The following CADM2 variants were observed in gnomAD, a reference collection of about 807,000 sequenced individuals.
CADM2 encodes immunoglobulin superfamily member 4D.
CADM2 carries 12 observed loss-of-function variants against 49.8 expected under a neutral mutation model. The ratio of observed to expected loss-of-function variants is 0.24; its 90% CI spans 0.15 to 0.39. The LOEUF (loss-of-function observed/expected upper bound fraction) is 0.39, where lower values mean the gene tolerates loss of function less well. CADM2 is among the 10% of genes least tolerant of loss of function. The pLI, the probability that CADM2 is intolerant of heterozygous loss-of-function variation, is 1.00. For synonymous variants in CADM2, 214 were observed against 175.4 expected (o/e 1.22, Z -1.74); for missense variants, 378 against 492.3 (o/e 0.77, Z 2.20).
intron 2 of CADM2, among the ~76,000 whole-genome samples, chr3:85,788,967 C>G (rs1271930786): frequency 6.6e-6 from 1 of 151,930 alleles, no homozygotes; most frequent in Non-Finnish European, 1.5e-5. Flanking sequence ...TTATTAGTGA[C>G]TTTCTTTACT....
intron 1 of CADM2, among the ~76,000 whole-genome samples, chr3:85,218,592 T>A (rs549300942): frequency 6.6e-6 from 1 of 152,132 alleles, no homozygotes; most frequent in South Asian, 2.1e-4. Flanking sequence ...GATTAAGAGA[T>A]AGAGACCATT....
intron 8 of CADM2, among the ~76,000 whole-genome samples, chr3:85,989,821 G>GA (rs2108695743): frequency 6.6e-6 from 1 of 151,856 alleles, no homozygotes; most frequent in Non-Finnish European, 1.5e-5. Context: ...AGACCAGCCT[G>GA]CCCAACATGG....
At chr3:85,809,658 C>CCCTTCCTT (rs538027252) in intron 3 of CADM2, among the ~76,000 whole-genome samples, 1,391 of 68,916 alleles carry the variant, frequency 0.02, 48 homozygotes, top group Non-Finnish European at 0.027. Context: ...AACATTTTCT[C>CCCTTCCTT]CCTTCCTTCC....
intron 1 of CADM2, among the ~76,000 whole-genome samples, chr3:85,406,946 C>A (rs1039601848): frequency 1.5e-4 from 23 of 152,012 alleles, no homozygotes; most frequent in Admixed American, 2.0e-4. Flanking sequence ...CCGTAATTGC[C>A]TCACTTTGGA....
At chr3:85,549,423 G>A (rs1462605026) in intron 1 of CADM2, among the ~76,000 whole-genome samples, 1 of 152,100 alleles carries the variant, frequency 6.6e-6, no homozygotes, top group Non-Finnish European at 1.5e-5. Context: ...AAGAACAATT[G>A]CATGCATGGG....
chr3:85,650,483 C>A (rs192414252), intron 1 of CADM2, among the ~76,000 whole-genome samples: 5 of 144,144 alleles, frequency 3.5e-5, no homozygotes, highest in African/African-American at 1.0e-4. Context: ...TGTTTGTATA[C>A]AGATATTATA....
chr3:85,439,336 A>G (rs1367998564), intron 1 of CADM2, among the ~76,000 whole-genome samples: 2 of 151,682 alleles, frequency 1.3e-5, no homozygotes, highest in Non-Finnish European at 2.9e-5. Flanking sequence ...TGTTTTTACT[A>G]GAGATGGGGT....
intron 1 of CADM2, among the ~76,000 whole-genome samples, chr3:85,214,074 T>C (rs757220649): frequency 2.0e-5 from 3 of 152,192 alleles, no homozygotes; most frequent in Non-Finnish European, 2.9e-5. Flanking sequence ...GTTATTTAGT[T>C]TGTTCCACAT....
intron 1 of CADM2, among the ~76,000 whole-genome samples, chr3:85,628,899 T>C (rs2064216979): frequency 1.3e-5 from 2 of 151,390 alleles, no homozygotes. Flanking sequence ...TAAAAGTTAT[T>C]GAGGTGGTAT....
intron 2 of CADM2, among the ~76,000 whole-genome samples, chr3:85,750,129 G>A (rs1240084839): frequency 2.0e-5 from 3 of 151,846 alleles, no homozygotes; most frequent in Non-Finnish European, 4.4e-5. Flanking sequence ...AGACTTTTTT[G>A]TATCCCATAT....
intron 1 of CADM2, among the ~76,000 whole-genome samples, chr3:85,350,308 C>A (rs1285715266): frequency 6.6e-6 from 1 of 152,032 alleles, no homozygotes; most frequent in Non-Finnish European, 1.5e-5. Flanking sequence ...AATACTATGA[C>A]AAAACACATG....
At chr3:85,233,516 T>C (rs893945292) in intron 1 of CADM2, among the ~76,000 whole-genome samples, 1 of 152,112 alleles carries the variant, frequency 6.6e-6, no homozygotes, top group African/African-American at 2.4e-5. Flanking sequence ...CTGGGTCAGT[T>C]TGCAGAAAAC....
intron 1 of CADM2, among the ~76,000 whole-genome samples, chr3:85,307,511 CA>C (rs746576501): frequency 6.6e-6 from 1 of 151,724 alleles, no homozygotes; most frequent in African/African-American, 2.4e-5. Flanking sequence ...AATACAATGA[CA>C]AAAACTCTAA....
intron 2 of CADM2, among the ~76,000 whole-genome samples, chr3:85,763,452 T>G (rs2069497773): frequency 6.6e-6 from 1 of 152,198 alleles, no homozygotes; most frequent in Non-Finnish European, 1.5e-5. Context: ...CAAAGGTAGC[T>G]TTATATTCAT....
At chr3:85,630,095 A>G (rs982350234) in intron 1 of CADM2, among the ~76,000 whole-genome samples, 6 of 151,986 alleles carry the variant, frequency 3.9e-5, no homozygotes, top group Non-Finnish European at 8.8e-5. Context: ...TTTGCAACAC[A>G]TATGTTCTGT....
In CADM2 at chr3:85,989,082, T is replaced by C. The variant is rs549882492; in HGVS notation, c.970+27435T>C. ...CAATTTTTTTCTCTTAAAGTCATCT[T>C]TTAAAAATATTAATTTTAAGCCCCA... On this transcript the variant is annotated intron_variant, in intron 8 of 9. Coordinates refer to ENST00000383699, the MANE Select transcript of CADM2 (RefSeq NM_001167675.2). Among the ~76,000 whole-genome samples, 57 of 152,206 alleles carry C rather than the reference T, an allele frequency of 3.7e-4. 1 individual carries two copies. The highest frequency in any genetic ancestry group is 6.8e-4 in the Non-Finnish European group (46 of 68,042).
chr3:85,851,482 A>T (rs2108292930), intron 3 of CADM2, among the ~76,000 whole-genome samples: 1 of 152,136 alleles, frequency 6.6e-6, no homozygotes, highest in Non-Finnish European at 1.5e-5. Context: ...TTTTAGGACC[A>T]GATTTTGTAT....
chr3:85,946,164 G>C (rs1170477838), intron 7 of CADM2, among the ~76,000 whole-genome samples: 1 of 152,006 alleles, frequency 6.6e-6, no homozygotes, highest in East Asian at 1.9e-4. Flanking sequence ...AATCATGAGT[G>C]AACTCCCATT....
intron 1 of CADM2, among the ~76,000 whole-genome samples, chr3:85,645,045 A>G (rs1031681036): frequency 1.3e-5 from 2 of 152,150 alleles, no homozygotes; most frequent in Non-Finnish European, 2.9e-5. Context: ...TTGAATAACT[A>G]TATCAAAGTT....
Sources: gnomAD v4.1 joint callset for allele counts (sites outside exome capture counted in the v4.1 genomes callset) on GRCh38, gnomAD v4.1.1 for gene constraint, MANE v1.5 for transcripts, NCBI Gene and HGNC (gene_info 2026-07-23, HGNC 2026-07-21) for gene names.